IL1R1: variants seen among roughly 807,000 people sequenced by gnomAD.
IL1R1 encodes interleukin-1 receptor type 1.
Under a neutral mutation model 50.2 loss-of-function variants are expected in IL1R1, and 22 were observed. The observed-to-expected ratio is 0.44, with a 90% confidence interval of 0.31 to 0.63. The LOEUF (loss-of-function observed/expected upper bound fraction) is 0.63, where lower values mean the gene tolerates loss of function less well. Ranked by LOEUF, IL1R1 falls within the 20% of genes least tolerant of loss-of-function variation. IL1R1 has a pLI of 0.07. For missense variants in IL1R1, 509 were observed against 676.2 expected (o/e 0.75, Z 2.74); for synonymous variants, 251 against 236.7 (o/e 1.06, Z -0.55).
At chr2:102,073,401 AAGAG>A (rs1261816731) in intron 1 of IL1R1, among the ~76,000 whole-genome samples, 1 of 152,182 alleles carries the variant, frequency 6.6e-6, no homozygotes, top group East Asian at 1.9e-4. Context: ...CTGGGGTGGA[AAGAG>A]AGGCCATGGC....
At chr2:102,157,584 A>G (rs947729054) in intron 2 of IL1R1, 135 bp from the exon 3 acceptor site, 1 of 668,082 alleles carries the variant, frequency 1.5e-6, no homozygotes, top group Non-Finnish European at 2.7e-6. Flanking sequence ...TTCATGATGT[A>G]GAAAAACCAG....
intron 1 of IL1R1, among the ~76,000 whole-genome samples, chr2:102,109,443 G>A (rs1680617604): frequency 6.6e-6 from 1 of 151,030 alleles, no homozygotes; most frequent in Non-Finnish European, 1.5e-5. Context: ...AGGCTAGTGA[G>A]GAGAGATCCA....
At chr2:102,168,521 G>T in intron 6 of IL1R1, 77 bp from the exon 7 acceptor site, 3 of 1,118,072 alleles carry the variant, frequency 2.7e-6, no homozygotes, top group Non-Finnish European at 4.1e-6. Flanking sequence ...CATTTAGTAT[G>T]TTTTGCTAAG....
rs577872158 is a variant in IL1R1 at position 102,106,378 on chromosome 2, G to T, written c.-84+1506G>T. ...AAACTTCTTGAGATGAATTTGATCT[G>T]CCTAATGGTAGTGATGAGTTTAAAA... On this transcript the variant is annotated intron_variant, in intron 1 of 10. Transcript: ENST00000409329. 2.4e-4 allele frequency among the ~76,000 whole-genome samples: 36 copies of T among 152,316 alleles called. 2 individuals carry two copies. In the South Asian group the frequency reaches 6.2e-3, roughly 26 times the overall value.
chr2:102,106,566 A>G (rs1577856472), intron 1 of IL1R1, among the ~76,000 whole-genome samples: 1 of 152,342 alleles, frequency 6.6e-6, no homozygotes, highest in Middle Eastern at 3.4e-3. Flanking sequence ...GAACATTTAC[A>G]CAAACAGCAC....
At chr2:102,129,065 G>T (rs1681882436) in intron 1 of IL1R1, among the ~76,000 whole-genome samples, 6 of 152,036 alleles carry the variant, frequency 3.9e-5, no homozygotes. Flanking sequence ...CAATAAATAA[G>T]CTGGGTGTGG....
At chr2:102,070,467 G>A (rs1346819623) in exon 1 of IL1R1, 2 of 152,202 alleles carry the variant, frequency 1.3e-5, no homozygotes, top group African/African-American at 4.8e-5. Context: ...CTCGACTAAT[G>A]TGAAAGATGA....
chr2:102,172,244 G>C (rs1685751169), intron 8 of IL1R1: 1 of 983,848 alleles, frequency 1.0e-6, no homozygotes, highest in Admixed American at 6.2e-5. Context: ...TCATTAATGA[G>C]CTCAAGAATC....
intron 1 of IL1R1, among the ~76,000 whole-genome samples, chr2:102,124,083 T>C (rs1401593110): frequency 6.6e-6 from 1 of 152,102 alleles, no homozygotes; most frequent in African/African-American, 2.4e-5. Context: ...CTGTGGGAGC[T>C]GGCAGGGTGG....
chr2:102,114,951 A>C (rs747093348), intron 1 of IL1R1, among the ~76,000 whole-genome samples: 1 of 152,194 alleles, frequency 6.6e-6, no homozygotes, highest in Non-Finnish European at 1.5e-5. Flanking sequence ...CTGCCACGTC[A>C]GTGCTGAAAA....
At chr2:102,107,655 A>C (rs181279133) in intron 1 of IL1R1, among the ~76,000 whole-genome samples, 21 of 152,306 alleles carry the variant, frequency 1.4e-4, no homozygotes, top group Admixed American at 4.6e-4. Context: ...AAATAAAAGA[A>C]AAGTGTGCTA....
chr2:102,114,040 G>A (rs1680927538), intron 1 of IL1R1, among the ~76,000 whole-genome samples: 1 of 152,170 alleles, frequency 6.6e-6, no homozygotes, highest in Admixed American at 6.5e-5. Flanking sequence ...TTTCTCACAT[G>A]TCCTTCAGGC....
At chr2:102,128,096 G>A (rs572237330) in intron 1 of IL1R1, among the ~76,000 whole-genome samples, 1 of 152,218 alleles carries the variant, frequency 6.6e-6, no homozygotes, top group African/African-American at 2.4e-5. Context: ...CTTTAGACTT[G>A]AGTATTTGTG....
intron 1 of IL1R1, among the ~76,000 whole-genome samples, chr2:102,081,856 G>A (rs1215532885): frequency 6.6e-6 from 1 of 152,216 alleles, no homozygotes; most frequent in Non-Finnish European, 1.5e-5. Flanking sequence ...CCAGTCATCA[G>A]TCATCATTAT....
Position 102,172,710 on chromosome 2 carries a change from G to A in IL1R1, c.863G>A (p.Arg288Lys). 1 of 1,604,076 alleles carries A rather than the reference G, an allele frequency of 6.2e-7. No homozygotes were observed. The highest frequency in any genetic ancestry group is 1.1e-5 in the South Asian group (1 of 89,814). ...AGTGTGGAAAATCCTGCAAACAAAA[G>A]AAGGAGTACCCTCATCACAGTGCTT... is the stretch of plus-strand genomic sequence containing the variant. ...YYSVENPANKRRSTLITVLNI... is the reference protein window; with the variant it reads ...YYSVENPANKKRSTLITVLNI... The change falls in exon 9 of 12, where the codon AGA becomes AAA. Residue 288 changes from arginine (R) to lysine (K), a missense_variant. Transcript: ENST00000410023.
At chr2:102,122,039 G>T (rs998455623) in intron 1 of IL1R1, among the ~76,000 whole-genome samples, 1 of 152,162 alleles carries the variant, frequency 6.6e-6, no homozygotes, top group Non-Finnish European at 1.5e-5. Flanking sequence ...TTCAAAAATA[G>T]GATTCCCAGT....
chr2:102,178,656 T>G lies in IL1R1; in HGVS notation c.*1897T>G, dbSNP rs1318708221. The G allele has an allele frequency of 6.6e-6, 1 of 152,320 alleles. No individual in the cohort carries two copies. The highest frequency in any genetic ancestry group is 1.5e-5 in the Non-Finnish European group (1 of 68,030). 9.4% of individuals were successfully genotyped at this position (152,320 alleles called of 1,614,324 possible). ...AGGAAGTGACCGAGTCTAGGAATGC[T>G]TTTATTCAAGACACCAAATTCCAAA... is the stretch of plus-strand genomic sequence containing the variant. On this transcript the variant is annotated 3_prime_UTR_variant, in exon 12 of 12. Transcript: ENST00000410023.
chr2:102,112,544 T>A (rs1272849769), intron 1 of IL1R1, among the ~76,000 whole-genome samples: 1 of 152,092 alleles, frequency 6.6e-6, no homozygotes. Context: ...GAGAAGGGAC[T>A]CCTGGTGAAT....
intron 1 of IL1R1, among the ~76,000 whole-genome samples, chr2:102,072,776 C>A (rs1487383538): frequency 6.6e-6 from 1 of 151,284 alleles, no homozygotes; most frequent in Non-Finnish European, 1.5e-5. Flanking sequence ...TTTTTTTTTC[C>A]AAGTTGTCTT....
Sources: allele counts gnomAD v4.1 joint callset (sites outside exome capture counted in the v4.1 genomes callset), GRCh38; gene constraint gnomAD v4.1.1; transcripts MANE v1.5; gene names NCBI Gene and HGNC (gene_info 2026-07-23, HGNC 2026-07-21).